BTBD9: variants seen among roughly 807,000 people sequenced by gnomAD.
The protein encoded by BTBD9 is BTB domain containing 9, also known as BTB/POZ domain-containing protein 9.
Under a neutral mutation model 64.3 loss-of-function variants are expected in BTBD9, and 49 were observed. That is an observed-to-expected ratio of 0.76 (90% confidence interval 0.61 to 0.97). BTBD9 has a LOEUF of 0.97. Ranked by LOEUF, BTBD9 falls within the 50% of genes least tolerant of loss-of-function variation. The pLI is 0.00. For synonymous variants in BTBD9, 260 were observed against 274.7 expected (o/e 0.95, Z 0.53); for missense variants, 598 against 762.1 (o/e 0.78, Z 2.53).
chr6:38,623,064 C>A (rs551585396), intron 1 of BTBD9, among the ~76,000 whole-genome samples: 31 of 152,314 alleles, frequency 2.0e-4, no homozygotes, highest in Admixed American at 1.0e-3. Flanking sequence ...CTCACCGGGG[C>A]TACCTTGGCA....
chr6:38,302,301 C>G (rs1272122836), intron 7 of BTBD9, among the ~76,000 whole-genome samples: 1 of 151,794 alleles, frequency 6.6e-6, no homozygotes, highest in African/African-American at 2.4e-5. Flanking sequence ...CCTCTGGTAA[C>G]CACTACTCTA....
chr6:38,212,039 T>A (rs1156463086), intron 9 of BTBD9, among the ~76,000 whole-genome samples: 2 of 152,206 alleles, frequency 1.3e-5, no homozygotes, highest in Non-Finnish European at 2.9e-5. Context: ...TAGTAACCTG[T>A]TGACCCACCA....
chr6:38,205,885 A>AAAAAAAAAAG (rs1762626207), intron 9 of BTBD9, among the ~76,000 whole-genome samples: 1 of 144,278 alleles, frequency 6.9e-6, no homozygotes, highest in African/African-American at 2.6e-5. Context: ...GTCTCAAAAA[A>AAAAAAAAAAG]AAAAAAGAAA....
At chr6:38,320,589 T>C (rs1356848896) in intron 7 of BTBD9, among the ~76,000 whole-genome samples, 1 of 152,156 alleles carries the variant, frequency 6.6e-6, no homozygotes, top group Non-Finnish European at 1.5e-5. Flanking sequence ...TGTAAACAGC[T>C]TCCTAGGCAA....
chr6:38,628,270 G>C (rs1212617480), intron 1 of BTBD9, among the ~76,000 whole-genome samples: 1 of 152,174 alleles, frequency 6.6e-6, no homozygotes, highest in Admixed American at 6.5e-5. Context: ...CCAAACTGTA[G>C]TTCAAATGAA....
chr6:38,454,343 T>C (rs899523021), intron 6 of BTBD9, among the ~76,000 whole-genome samples: 5 of 152,070 alleles, frequency 3.3e-5, no homozygotes, highest in Admixed American at 6.6e-5. Context: ...ATATGGAATG[T>C]TGGATCATAA....
intron 4 of BTBD9, chr6:38,587,370 A>G: frequency 2.1e-6 from 1 of 477,254 alleles, no homozygotes; most frequent in Non-Finnish European, 4.2e-6. Context: ...TGAAAGCTCA[A>G]CTTGGGGAGG....
At chr6:38,514,209 T>C (rs563338267) in intron 6 of BTBD9, among the ~76,000 whole-genome samples, 1 of 152,346 alleles carries the variant, frequency 6.6e-6, no homozygotes, top group South Asian at 2.1e-4. Flanking sequence ...ACCAACACAC[T>C]CCTGTTATTG....
At chr6:38,434,829 G>A (rs12110343) in intron 6 of BTBD9, among the ~76,000 whole-genome samples, 1 of 151,858 alleles carries the variant, frequency 6.6e-6, no homozygotes, top group Non-Finnish European at 1.5e-5. Context: ...CAGTCCCGCA[G>A]TATCCACTGG....
At chr6:38,528,963 T>G (rs755618553) in intron 6 of BTBD9, among the ~76,000 whole-genome samples, 4 of 152,176 alleles carry the variant, frequency 2.6e-5, no homozygotes, top group Admixed American at 2.0e-4. Context: ...CACAGTGGGA[T>G]AGAGCACCAA....
chr6:38,389,206 G>T (rs77911213), intron 6 of BTBD9, among the ~76,000 whole-genome samples: 2,014 of 152,176 alleles, frequency 0.013, 37 homozygotes, highest in East Asian at 0.081. Context: ...ACTTACCCTT[G>T]CTGGGAAAGT....
At chr6:38,573,749 T>C (rs1210735612) in intron 6 of BTBD9, among the ~76,000 whole-genome samples, 1 of 152,172 alleles carries the variant, frequency 6.6e-6, no homozygotes, top group Non-Finnish European at 1.5e-5. Context: ...AGCAATATTA[T>C]ATGGCTGCCA....
chr6:38,190,496 T>A (rs1335019008), intron 10 of BTBD9, among the ~76,000 whole-genome samples: 1 of 150,278 alleles, frequency 6.7e-6, no homozygotes, highest in Non-Finnish European at 1.5e-5. Context: ...AAAAAGATGT[T>A]TCCCAGTTGA....
At chr6:38,253,082 C>A (rs9470840) in intron 9 of BTBD9, among the ~76,000 whole-genome samples, 4,810 of 152,168 alleles carry the variant, frequency 0.032, 274 homozygotes, top group African/African-American at 0.11. Context: ...CCACTGCACT[C>A]CAGCCTGAGC....
chr6:38,195,153 T>C (rs1762233513), intron 9 of BTBD9, among the ~76,000 whole-genome samples: 1 of 152,186 alleles, frequency 6.6e-6, no homozygotes, highest in South Asian at 2.1e-4. Context: ...TAACTTGCCA[T>C]GTTGCTTGAA....
intron 1 of BTBD9, among the ~76,000 whole-genome samples, chr6:38,631,593 A>G (rs1167485362): frequency 6.6e-6 from 1 of 152,152 alleles, no homozygotes; most frequent in African/African-American, 2.4e-5. Context: ...ATGCAACCCT[A>G]TGAAATTTCT....
intron 8 of BTBD9, among the ~76,000 whole-genome samples, chr6:38,285,446 G>A (rs1761692665): frequency 6.6e-6 from 1 of 152,096 alleles, no homozygotes; most frequent in Admixed American, 6.5e-5. Flanking sequence ...TGAACAGGGA[G>A]GGAAGGATAA....
In BTBD9 at chr6:38,245,416, A is replaced by G. The variant is rs577895030; in HGVS notation, c.1562+10993T>C. On this transcript the variant is annotated intron_variant, in intron 9 of 10. Transcript: ENST00000481247. ...AAAGGGCAGAGGGTGGGCTCCAGAC[A>G]GAGACCAGCATGGCATGCGCAAAGG... 6.2e-4 allele frequency among the ~76,000 whole-genome samples: 95 copies of G among 152,322 alleles called. 1 individual carries two copies. Among genetic ancestry groups the G allele is most frequent in the Non-Finnish European group, 1.1e-3 (77 of 68,024 alleles).
In BTBD9 at chr6:38,592,767, T is replaced by C; in HGVS notation, c.623A>G (p.Asn208Ser). 6.2e-7 allele frequency: 1 copy of C among 1,614,170 alleles called. No homozygotes were observed. The highest frequency in any genetic ancestry group is 1.3e-5 in the African/African-American group (1 of 75,044). Residue 208 changes from asparagine (N) to serine (S), a missense_variant, in exon 4 of 11, where the codon AAC (asparagine) becomes AGC (serine). Asn to Ser is a conservative substitution (Grantham distance 46). Coordinates refer to ENST00000481247, the MANE Select transcript of BTBD9 (RefSeq NM_001099272.2). ...PEKDIFLALL[N>S]WCKHNSKENH... is the part of the protein sequence containing the mutation. ...CTCCTTTGAATTGTGCTTACACCAGTTTAATAAGGCTAGGAAAATATCTTT... is the reference window on the plus strand; with the variant it reads ...CTCCTTTGAATTGTGCTTACACCAGCTTAATAAGGCTAGGAAAATATCTTT...
Sources: allele counts gnomAD v4.1 joint callset (sites outside exome capture counted in the v4.1 genomes callset), GRCh38; gene constraint gnomAD v4.1.1; transcripts MANE v1.5; gene names NCBI Gene and HGNC (gene_info 2026-07-23, HGNC 2026-07-21).